The following PITPNC1 variants were observed in gnomAD, a reference collection of about 807,000 sequenced individuals.
PITPNC1 encodes phosphatidylinositol transfer protein cytoplasmic 1.
In PITPNC1, 18 loss-of-function variants were observed where a neutral mutation model predicts 44.7. The observed-to-expected ratio is 0.40, with a 90% CI of 0.28 to 0.60. The LOEUF (loss-of-function observed/expected upper bound fraction) is 0.60, where lower values mean the gene tolerates loss of function less well. Among genes scored for constraint, PITPNC1 ranks in the 20% least tolerant of loss-of-function variants. PITPNC1 has a pLI of 0.39. For synonymous variants in PITPNC1, 141 were observed against 149.6 expected (o/e 0.94, Z 0.42); for missense variants, 290 against 418.4 (o/e 0.69, Z 2.68).
At chr17:67,419,562 GA>G (rs1438637635) in intron 1 of PITPNC1, among the ~76,000 whole-genome samples, 1 of 152,060 alleles carries the variant, frequency 6.6e-6, no homozygotes, top group Non-Finnish European at 1.5e-5. Context: ...CCGAGAAAGG[GA>G]AGACACTCTT....
intron 1 of PITPNC1, among the ~76,000 whole-genome samples, chr17:67,418,271 A>G (rs1468982266): frequency 1.3e-5 from 2 of 152,196 alleles, no homozygotes; most frequent in East Asian, 1.9e-4. Flanking sequence ...AACTTGTTCA[A>G]TTGGTCTGCT....
chr17:67,592,619 A>G (rs150006825), intron 5 of PITPNC1, among the ~76,000 whole-genome samples: 1 of 152,384 alleles, frequency 6.6e-6, no homozygotes, highest in Non-Finnish European at 1.5e-5. Context: ...GCACAAAGAT[A>G]GAAATAAACG....
At chr17:67,520,216 C>G (rs1049837388) in intron 1 of PITPNC1, among the ~76,000 whole-genome samples, 2 of 152,120 alleles carry the variant, frequency 1.3e-5, no homozygotes, top group Non-Finnish European at 2.9e-5. Flanking sequence ...GCCTTGCTAC[C>G]TTGGTAGTGG....
At chr17:67,527,287 C>T (rs945469389) in intron 1 of PITPNC1, among the ~76,000 whole-genome samples, 13 of 152,122 alleles carry the variant, frequency 8.5e-5, no homozygotes, top group African/African-American at 2.9e-4. Context: ...GAGTACAGGC[C>T]TGTGGGGGGT....
rs144622444 is a variant in PITPNC1, at chr17:67,441,282, C to A, written c.48+63080C>A. On this transcript the variant is annotated intron_variant, in intron 1 of 8. Transcript: ENST00000581322. ...CGCAGGCTTGTATTTATTAAGCCCCCCCCCGCCACCCATCAGTCCCCAGTT... is the reference window on the plus strand; with the variant it reads ...CGCAGGCTTGTATTTATTAAGCCCCACCCCGCCACCCATCAGTCCCCAGTT... Among the ~76,000 whole-genome samples the A allele has an allele frequency of 5.4e-3, 805 of 149,594 alleles. 8 individuals are homozygous for A. The highest frequency in any genetic ancestry group is 0.019 in the African/African-American group (784 of 40,458).
chr17:67,557,640 C>T (rs562709414), intron 4 of PITPNC1, among the ~76,000 whole-genome samples: 56 of 152,250 alleles, frequency 3.7e-4, no homozygotes, highest in African/African-American at 6.7e-4. Flanking sequence ...CCACAGTGTG[C>T]GGTTTGAAGC....
At chr17:67,428,259 C>T (rs542230314) in intron 1 of PITPNC1, among the ~76,000 whole-genome samples, 2 of 152,228 alleles carry the variant, frequency 1.3e-5, no homozygotes, top group East Asian at 3.9e-4. Context: ...TGTGCCTTGG[C>T]TGGGTGTGGT....
At chr17:67,498,832 A>C (rs73348002) in intron 1 of PITPNC1, among the ~76,000 whole-genome samples, 2 of 148,452 alleles carry the variant, frequency 1.3e-5, no homozygotes, top group African/African-American at 4.9e-5. Flanking sequence ...TCATGTACTC[A>C]CTAGTCACTT....
intron 5 of PITPNC1, among the ~76,000 whole-genome samples, chr17:67,579,132 G>A (rs2041192288): frequency 6.6e-6 from 1 of 152,206 alleles, no homozygotes; most frequent in Admixed American, 6.5e-5. Context: ...ACCTCCTGAG[G>A]CATTCTGACT....
chr17:67,386,074 T>C (rs1448196384), intron 1 of PITPNC1, among the ~76,000 whole-genome samples: 1 of 152,222 alleles, frequency 6.6e-6, no homozygotes, highest in Non-Finnish European at 1.5e-5. Flanking sequence ...AAACCTTGTG[T>C]CTGATTGCGT....
intron 1 of PITPNC1, among the ~76,000 whole-genome samples, chr17:67,517,043 G>A (rs551216543): frequency 3.3e-4 from 50 of 152,304 alleles, no homozygotes; most frequent in African/African-American, 1.1e-3. Context: ...AGCACATTTG[G>A]ACACGATGTC....
At chr17:67,420,536 G>A (rs1005941414) in intron 1 of PITPNC1, among the ~76,000 whole-genome samples, 1 of 151,486 alleles carries the variant, frequency 6.6e-6, no homozygotes. Flanking sequence ...TGGGTCAAGC[G>A]AGCCTCTCAC....
At chr17:67,614,042 G>A (rs1272269062) in intron 5 of PITPNC1, among the ~76,000 whole-genome samples, 4 of 143,826 alleles carry the variant, frequency 2.8e-5, no homozygotes, top group African/African-American at 7.7e-5. Flanking sequence ...ACCCATGATC[G>A]CGCCACTGCA....
intron 1 of PITPNC1, chr17:67,408,752 T>A: frequency 6.7e-6 from 1 of 148,932 alleles, no homozygotes; most frequent in Non-Finnish European, 1.5e-5. Flanking sequence ...CTCTCTTTCT[T>A]TCTTTCTTTC....
At chr17:67,390,391 G>A (rs2038121010) in intron 1 of PITPNC1, among the ~76,000 whole-genome samples, 2 of 152,156 alleles carry the variant, frequency 1.3e-5, no homozygotes, top group Admixed American at 1.3e-4. Flanking sequence ...GGAGGCTGTG[G>A]CCATCATGAG....
In PITPNC1 at chr17:67,511,246, C is replaced by T. The variant is rs890645895; in HGVS notation, c.49-21556C>T. ...GTACCATGATTTATCTAACGGATCC[C>T]ATTGATGGACAACTGGAGTTTTTCC... On this transcript the variant is annotated intron_variant, in intron 1 of 8. Coordinates refer to ENST00000581322, the MANE Select transcript of PITPNC1 (RefSeq NM_012417.4). Among the ~76,000 whole-genome samples the T allele has an allele frequency of 2.6e-5, 4 of 152,200 alleles. No homozygotes were observed. The East Asian group carries it at 7.7e-4, about 29-fold the overall frequency.
intron 1 of PITPNC1, among the ~76,000 whole-genome samples, chr17:67,425,264 G>C (rs28720779): frequency 0.06 from 6,207 of 104,166 alleles, 253 homozygotes; most frequent in East Asian, 0.15. Flanking sequence ...CACACACACA[G>C]AGGGAGAGAG....
chr17:67,497,529 C>CTTTTTTTT (rs34364657), intron 1 of PITPNC1, among the ~76,000 whole-genome samples: 50 of 87,504 alleles, frequency 5.7e-4, no homozygotes, highest in African/African-American at 6.0e-4. Context: ...TTGTTCGTGT[C>CTTTTTTTT]TTTTTTTTTT....
At chr17:67,581,975 G>A (rs768447935) in intron 5 of PITPNC1, among the ~76,000 whole-genome samples, 4 of 152,126 alleles carry the variant, frequency 2.6e-5, no homozygotes, top group South Asian at 2.1e-4. Flanking sequence ...AGAGGTTGCC[G>A]TGAGCAGAGA....
Sources: gnomAD v4.1 joint callset for allele counts (sites outside exome capture counted in the v4.1 genomes callset) on GRCh38, gnomAD v4.1.1 for gene constraint, MANE v1.5 for transcripts, NCBI Gene and HGNC (gene_info 2026-07-23, HGNC 2026-07-21) for gene names.